Variants in CNTNAP4 observed in about 807,000 individuals in gnomAD.
CNTNAP4 encodes contactin associated protein family member 4.
Under a neutral mutation model 148.4 loss-of-function variants are expected in CNTNAP4, and 98 were observed. The ratio of observed to expected loss-of-function variants is 0.66; its 90% CI spans 0.56 to 0.78. CNTNAP4 has a LOEUF of 0.78. Among genes scored for constraint, CNTNAP4 ranks in the 30% least tolerant of loss-of-function variants. The pLI is 0.00. For synonymous variants in CNTNAP4, 730 were observed against 565.1 expected, an observed-to-expected ratio of 1.29 and a Z score of -4.14; for missense variants, 1,935 against 1,565.6, an observed-to-expected ratio of 1.24 and a Z score of -3.98.
In CNTNAP4 at chr16:76,553,363, C is replaced by T. The variant is rs1484902545; in HGVS notation, c.3523C>T (p.His1175Tyr). The change falls in exon 22 of 24, where the codon CAC (histidine) becomes TAC (tyrosine). Residue 1175 changes from histidine to tyrosine, a missense_variant. Coordinates refer to ENST00000611870, the MANE Select transcript of CNTNAP4 (RefSeq NM_033401.5). ...CTGCCTCTCTGCAGTGCAGCTCAGC[C>T]ACGTGGCCCCTCTGAAGGCAGCTCT... ...TGCLSAVQLS[H>Y]VAPLKAALHP... The T allele has an allele frequency of 1.9e-6, 3 of 1,612,876 alleles. No individual in the cohort carries two copies. Among genetic ancestry groups the T allele is most frequent in the Non-Finnish European group, 2.5e-6 (3 of 1,179,396 alleles).
intron 2 of CNTNAP4, among the ~76,000 whole-genome samples, chr16:76,350,645 A>T (rs952056149): frequency 1.8e-4 from 27 of 152,200 alleles, no homozygotes; most frequent in African/African-American, 6.3e-4. Flanking sequence ...CTTTGGAGCT[A>T]ATAGCAATAA....
Position 76,535,671 on chromosome 16 carries a change from A to G in CNTNAP4, c.2882A>G (p.His961Arg). 1.9e-6 allele frequency: 3 copies of G among 1,614,084 alleles called. No individual in the cohort carries two copies. The highest frequency in any genetic ancestry group is 2.5e-6 in the Non-Finnish European group (3 of 1,179,952). ...GAAGTGCAGCCAGGTTGTAGGGGAC[A>G]TTGCAGCAGCTATGGGAAGTTATGC... is the stretch of plus-strand genomic sequence containing the variant. ...TPEVQPGCRG[H>R]CSSYGKLCRN... The change falls in exon 18 of 24, where the codon CAT becomes CGT. Residue 961 changes from histidine (H) to arginine (R), a missense_variant. Coordinates refer to ENST00000611870, the MANE Select transcript of CNTNAP4 (RefSeq NM_033401.5).
At chr16:76,356,612 G>T (rs528784048) in intron 3 of CNTNAP4, among the ~76,000 whole-genome samples, 14 of 152,164 alleles carry the variant, frequency 9.2e-5, no homozygotes, top group African/African-American at 3.4e-4. Context: ...TCTTATGTGG[G>T]CTAAGAACAA....
intron 3 of CNTNAP4, among the ~76,000 whole-genome samples, chr16:76,359,139 C>T (rs2013087394): frequency 6.6e-6 from 1 of 152,178 alleles, no homozygotes; most frequent in South Asian, 2.1e-4. Context: ...CATAAAAAAA[C>T]TTAACCCTTT....
chr16:76,372,306 AT>A (rs57362303), intron 3 of CNTNAP4, among the ~76,000 whole-genome samples: 162 of 140,408 alleles, frequency 1.2e-3, no homozygotes, highest in Admixed American at 1.1e-3. Flanking sequence ...GGCCCAGCTA[AT>A]TTTTTTTTTT....
chr16:76,538,878 G>A (rs561664300), intron 19 of CNTNAP4, among the ~76,000 whole-genome samples: 24 of 152,078 alleles, frequency 1.6e-4, no homozygotes, highest in African/African-American at 5.8e-4. Flanking sequence ...GTTTCCTACA[G>A]AAAACCATTT....
At chr16:76,339,103 A>G (rs1419716700) in intron 2 of CNTNAP4, among the ~76,000 whole-genome samples, 7 of 152,136 alleles carry the variant, frequency 4.6e-5, no homozygotes, top group Non-Finnish European at 8.8e-5. Context: ...CTAGTCCTAA[A>G]AGCTGTAATC....
intron 1 of CNTNAP4, among the ~76,000 whole-genome samples, chr16:76,291,636 C>A: frequency 1.3e-5 from 2 of 152,310 alleles, no homozygotes; most frequent in East Asian, 3.9e-4. Flanking sequence ...TTTCCCACTT[C>A]GTAATCAGTA....
chr16:76,526,676 T>C (rs1026725628), intron 17 of CNTNAP4, among the ~76,000 whole-genome samples: 1 of 152,270 alleles, frequency 6.6e-6, no homozygotes, highest in East Asian at 1.9e-4. Flanking sequence ...GTTTTTGTTT[T>C]TGTTTATTTA....
chr16:76,428,186 G>A (rs2079479557), intron 4 of CNTNAP4, among the ~76,000 whole-genome samples: 2 of 152,084 alleles, frequency 1.3e-5, no homozygotes, highest in Admixed American at 1.3e-4. Flanking sequence ...TCTTAATGAA[G>A]CATTTTATTA....
intron 14 of CNTNAP4, among the ~76,000 whole-genome samples, chr16:76,496,394 A>G (rs1201437847): frequency 1.3e-5 from 2 of 152,164 alleles, no homozygotes; most frequent in Admixed American, 6.5e-5. Flanking sequence ...TTTAAAAATA[A>G]GATTATAAAA....
intron 3 of CNTNAP4, among the ~76,000 whole-genome samples, chr16:76,377,428 C>T (rs17766957): frequency 0.16 from 24,373 of 151,900 alleles, 2,557 homozygotes; most frequent in East Asian, 0.45. Context: ...GGAAGAGAGT[C>T]GGAAAGATTC....
chr16:76,432,553 A>G (rs372123423), intron 4 of CNTNAP4: 3 of 152,326 alleles, frequency 2.0e-5, no homozygotes, highest in African/African-American at 7.2e-5. Context: ...AGAAAGAAAG[A>G]AAAAGAAAAG....
intron 1 of CNTNAP4, among the ~76,000 whole-genome samples, chr16:76,281,305 A>T (rs370593249): frequency 2.2e-4 from 34 of 152,256 alleles, no homozygotes; most frequent in African/African-American, 7.9e-4. Context: ...ATATAATTCT[A>T]TGAGGCAATG....
intron 3 of CNTNAP4, among the ~76,000 whole-genome samples, chr16:76,389,412 G>T (rs1485355810): frequency 6.6e-6 from 1 of 152,098 alleles, no homozygotes; most frequent in African/African-American, 2.4e-5. Flanking sequence ...CTTCCACTCA[G>T]CGCTTTGACA....
intron 3 of CNTNAP4, among the ~76,000 whole-genome samples, chr16:76,426,772 G>A (rs997791545): frequency 6.6e-6 from 1 of 151,986 alleles, no homozygotes; most frequent in Admixed American, 6.6e-5. Flanking sequence ...CAATTTGACT[G>A]TGCTAGCTTA....
chr16:76,386,592 G>A (rs952585658), intron 3 of CNTNAP4, among the ~76,000 whole-genome samples: 17 of 152,000 alleles, frequency 1.1e-4, no homozygotes, highest in Non-Finnish European at 2.5e-4. Flanking sequence ...AGCCTAACCT[G>A]GTGCTAGAAA....
Position 76,559,525 on chromosome 16 carries a change from A to T in CNTNAP4, c.*842A>T, listed in dbSNP as rs556078333. Among the ~76,000 whole-genome samples the T allele has an allele frequency of 1.3e-5, 2 of 152,226 alleles. No homozygotes were observed. Among genetic ancestry groups the T allele is most frequent in the South Asian group, 2.1e-4 (1 of 4,820 alleles). On this transcript the variant is annotated 3_prime_UTR_variant, in exon 24 of 24. Transcript: ENST00000611870. ...TTTTCAACTAAACTGTTGATATATT[A>T]AAAAAAATTCTTAACACAGCAAAAA... is the stretch of plus-strand genomic sequence containing the variant.
At position 76,452,106 on chromosome 16, in the gene CNTNAP4, A is replaced by G. The variant is rs1488118222; in HGVS notation, c.1072-402A>G. On this transcript the variant is annotated intron_variant, in intron 7 of 23. Coordinates refer to ENST00000611870, the MANE Select transcript of CNTNAP4 (RefSeq NM_033401.5). Reference sequence around the variant, plus strand: ...TTGATAGTCTTAAAATTGCCTTTACACATATGGGTTAGTGTAGTTTGCTGT... The same window carrying G: ...TTGATAGTCTTAAAATTGCCTTTACGCATATGGGTTAGTGTAGTTTGCTGT... Among the ~76,000 whole-genome samples, 3 of 151,020 alleles carry G rather than the reference A, an allele frequency of 2.0e-5. No individual in the cohort carries two copies. The East Asian group carries it at 5.8e-4, about 29-fold the overall frequency.
Sources: gnomAD v4.1 joint callset for allele counts (sites outside exome capture counted in the v4.1 genomes callset) on GRCh38, gnomAD v4.1.1 for gene constraint, MANE v1.5 for transcripts, NCBI Gene and HGNC (gene_info 2026-07-23, HGNC 2026-07-21) for gene names.